MTX2: variants seen among roughly 807,000 people sequenced by gnomAD.
MTX2 encodes the protein metaxin 2.
MTX2 carries 35 observed loss-of-function variants against 42.3 expected under a neutral mutation model. The observed-to-expected ratio is 0.83, with a 90% CI of 0.63 to 1.10. The LOEUF (loss-of-function observed/expected upper bound fraction) is 1.10. MTX2 is among the 50% of genes least tolerant of loss of function. The pLI, the probability that MTX2 is intolerant of heterozygous loss-of-function variation, is 0.00. For missense variants in MTX2, 307 were observed against 304.1 expected, an observed-to-expected ratio of 1.01 and a Z score of -0.07; for synonymous variants, 119 against 100.9, an observed-to-expected ratio of 1.18 and a Z score of -1.08.
At chr2:176,292,280 G>A (rs1693345806) in intron 1 of MTX2, among the ~76,000 whole-genome samples, 1 of 152,140 alleles carries the variant, frequency 6.6e-6, no homozygotes, top group Non-Finnish European at 1.5e-5. Flanking sequence ...ATTTACTATT[G>A]AAGTAGTTTG....
Position 176,329,418 on chromosome 2 carries a change from C to G in MTX2, c.535C>G (p.Leu179Val). The G allele has an allele frequency of 1.2e-6, 2 of 1,606,330 alleles. No individual in the cohort carries two copies. Among genetic ancestry groups the G allele is most frequent in the Non-Finnish European group, 1.7e-6 (2 of 1,174,784 alleles). The change falls in exon 8 of 10, where the codon CTG becomes GTG. Residue 179 changes from leucine to valine, a missense_variant. Transcript: ENST00000249442. ...AGCTATTGGATGGGGAAAGAAGACTCTGGACCAGGTCAGTTCAGGTTGAAG... is the reference window on the plus strand; with the variant it reads ...AGCTATTGGATGGGGAAAGAAGACTGTGGACCAGGTCAGTTCAGGTTGAAG... ...MKAIGWGKKTLDQVLEDVDQC... is the reference protein window; with the variant it reads ...MKAIGWGKKTVDQVLEDVDQC...
At chr2:176,310,215 A>G (rs986700808) in intron 3 of MTX2, among the ~76,000 whole-genome samples, 9 of 151,736 alleles carry the variant, frequency 5.9e-5, no homozygotes, top group African/African-American at 2.2e-4. Flanking sequence ...CTTTTCTTTA[A>G]CAATGTTGAA....
At chr2:176,301,497 T>C (rs1437962630) in intron 3 of MTX2, among the ~76,000 whole-genome samples, 1 of 152,174 alleles carries the variant, frequency 6.6e-6, no homozygotes, top group Non-Finnish European at 1.5e-5. Context: ...TTCACACAGC[T>C]ACCCTATGAG....
At chr2:176,311,354 G>T (rs1684299425) in intron 3 of MTX2, among the ~76,000 whole-genome samples, 1 of 152,206 alleles carries the variant, frequency 6.6e-6, no homozygotes, top group Non-Finnish European at 1.5e-5. Context: ...GGCTACACGG[G>T]GGTCAGGGAT....
intron 1 of MTX2, among the ~76,000 whole-genome samples, chr2:176,294,635 T>G (rs1475506063): frequency 6.6e-6 from 1 of 152,242 alleles, no homozygotes; most frequent in African/African-American, 2.4e-5. Flanking sequence ...ATAAGAACTC[T>G]GTTACATTAC....
At chr2:176,306,432 G>A (rs930899356) in intron 3 of MTX2, among the ~76,000 whole-genome samples, 3 of 152,128 alleles carry the variant, frequency 2.0e-5, no homozygotes, top group African/African-American at 7.2e-5. Context: ...CCCAGTAATG[G>A]GATTGCTGGC....
chr2:176,319,815 C>T (rs1205652125), intron 3 of MTX2, among the ~76,000 whole-genome samples: 4 of 151,994 alleles, frequency 2.6e-5, no homozygotes, highest in Non-Finnish European at 5.9e-5. Context: ...AGCTTGTGAT[C>T]CACCTGCCTT....
intron 3 of MTX2, among the ~76,000 whole-genome samples, chr2:176,309,007 C>T (rs1440801090): frequency 6.6e-6 from 1 of 152,106 alleles, no homozygotes; most frequent in East Asian, 1.9e-4. Context: ...TAGAACTTTC[C>T]TGCTTTCTCT....
In MTX2 at chr2:176,329,373, G is replaced by A; in HGVS notation, c.490G>A (p.Glu164Lys). Residue 164 changes from glutamate (E) to lysine (K), a missense_variant, in exon 8 of 10, where the codon GAA (glutamate) becomes AAA (lysine). Physicochemically the swap from Glu to Lys is moderately conservative, Grantham distance 56. Coordinates refer to ENST00000249442, the MANE Select transcript of MTX2 (RefSeq NM_006554.5). ...NHILAYQKQW[E>K]VKRKMKAIGW... is the part of the protein sequence containing the mutation. ...TATTTTGGCCTATCAAAAACAGTGG[G>A]AAGTCAAACGTAAGATGAAAGCTAT... is the stretch of plus-strand genomic sequence containing the variant. The A allele has an allele frequency of 6.2e-7, 1 of 1,607,844 alleles. No individual in the cohort carries two copies. Among genetic ancestry groups the A allele is most frequent in the Non-Finnish European group, 8.5e-7 (1 of 1,175,764 alleles).
chr2:176,314,460 T>G (rs1684391403), intron 3 of MTX2, among the ~76,000 whole-genome samples: 1 of 152,016 alleles, frequency 6.6e-6, no homozygotes, highest in Non-Finnish European at 1.5e-5. Flanking sequence ...CCCAATATAT[T>G]TACTTTTTTC....
chr2:176,300,215 A>C (rs1683988575), intron 3 of MTX2, among the ~76,000 whole-genome samples: 1 of 152,100 alleles, frequency 6.6e-6, no homozygotes, highest in Non-Finnish European at 1.5e-5. Flanking sequence ...GACTGGAAAA[A>C]GTAACTTTGA....
rs193012773 is a variant in MTX2, at chr2:176,313,703, A to G, written c.136-9689A>G. ...CCACTGCACCTGGCCTTATTGTTCT[A>G]TACTGATTCTTAAGACTGATGCAGA... On this transcript the variant is annotated intron_variant, in intron 3 of 9. Transcript: ENST00000249442. Among the ~76,000 whole-genome samples, 598 of 152,042 alleles carry G rather than the reference A, an allele frequency of 3.9e-3. 6 individuals carry two copies. Among genetic ancestry groups the G allele is most frequent in the African/African-American group, 0.013 (526 of 41,520 alleles).
At position 176,271,363 on chromosome 2, in the gene MTX2, A is replaced by C. The variant is rs189035750; in HGVS notation, c.40+1694A>C. Among the ~76,000 whole-genome samples, 313 of 152,326 alleles carry C rather than the reference A, an allele frequency of 2.1e-3. 1 individual carries two copies. The highest frequency in any genetic ancestry group is 6.7e-3 in the African/African-American group (280 of 41,584). Reference sequence around the variant, plus strand: ...AGCAGAAGAGGCCTAAGCAAAACTTAAGAATTCATAATCCATAAGAGAAGA... The same window carrying C: ...AGCAGAAGAGGCCTAAGCAAAACTTCAGAATTCATAATCCATAAGAGAAGA... On this transcript the variant is annotated intron_variant, in intron 1 of 9. Transcript: ENST00000249442.
intron 1 of MTX2, among the ~76,000 whole-genome samples, chr2:176,280,776 G>A (rs1693061169): frequency 6.6e-6 from 1 of 152,188 alleles, no homozygotes; most frequent in South Asian, 2.1e-4. Context: ...ATATATAAAT[G>A]TTATAGATTA....
chr2:176,287,153 T>C (rs1481879775), intron 1 of MTX2, among the ~76,000 whole-genome samples: 1 of 152,250 alleles, frequency 6.6e-6, no homozygotes. Context: ...GGCCACATGA[T>C]ACCTCTAAAA....
rs1471910810 is a variant in MTX2, at chr2:176,328,787, T to TA, written c.379-81dup. 1.5e-5 allele frequency: 20 copies of TA among 1,315,194 alleles called. No homozygotes were observed. In the East Asian group the frequency reaches 4.0e-4, roughly 26 times the overall value. 81.5% of individuals were successfully genotyped at this position (1,315,194 alleles called of 1,614,324 possible). On this transcript the variant is annotated intron_variant, in intron 6 of 9. Transcript: ENST00000249442. ...ATGTGTGACTTATGAAATTAGCTTA[T>TA]AAAAAATTGCCTTGGCAAAAAATAA...
In MTX2 at chr2:176,291,173, T is replaced by G. The variant is rs143473453; in HGVS notation, c.41-5687T>G. Among the ~76,000 whole-genome samples the G allele has an allele frequency of 8.0e-3, 1,219 of 152,270 alleles. 11 individuals are homozygous for G. The highest frequency in any genetic ancestry group is 0.013 in the Non-Finnish European group (873 of 68,018). ...GAAAGTAGAGTTAAAAAAGATAAAA[T>G]TCAAATTCCAGGAATTTTAGGCAGC... On this transcript the variant is annotated intron_variant, in intron 1 of 9. Coordinates refer to ENST00000249442, the MANE Select transcript of MTX2 (RefSeq NM_006554.5).
chr2:176,310,028 TG>T (rs1177178905), intron 3 of MTX2, among the ~76,000 whole-genome samples: 1 of 152,218 alleles, frequency 6.6e-6, no homozygotes, highest in Non-Finnish European at 1.5e-5. Flanking sequence ...GGCCTGTTTT[TG>T]CCGTGGCTGG....
At chr2:176,310,399 G>A (rs550418233) in intron 3 of MTX2, among the ~76,000 whole-genome samples, 16 of 152,304 alleles carry the variant, frequency 1.1e-4, no homozygotes, top group African/African-American at 3.6e-4. Flanking sequence ...TTGTTGAGGA[G>A]TATCTTTGTG....
Sources: gnomAD v4.1 joint callset for allele counts (sites outside exome capture counted in the v4.1 genomes callset) on GRCh38, gnomAD v4.1.1 for gene constraint, MANE v1.5 for transcripts, NCBI Gene and HGNC (gene_info 2026-07-23, HGNC 2026-07-21) for gene names.